The following RGS3 variants were observed in gnomAD, a reference collection of about 807,000 sequenced individuals.
The protein encoded by RGS3 is regulator of G-protein signalling 3.
A neutral mutation model predicts 132.6 loss-of-function variants in RGS3; 80 were observed. That is an observed-to-expected ratio of 0.60 (90% confidence interval 0.50 to 0.73). The LOEUF (loss-of-function observed/expected upper bound fraction) is 0.73, where lower values mean the gene tolerates loss of function less well. RGS3 is among the 30% of genes least tolerant of loss of function. The pLI is 0.00. For missense variants in RGS3, 1,382 were observed against 1,530.8 expected (o/e 0.90, Z 1.62); for synonymous variants, 598 against 620.6 (o/e 0.96, Z 0.54).
chr9:113,536,962 C>T (rs1832707159), intron 19 of RGS3, 44 bp downstream of exon 17: 1 of 1,582,906 alleles, frequency 6.3e-7, no homozygotes, highest in Non-Finnish European at 8.7e-7. Context: ...CCTCGTTTCC[C>T]CTCAGCCAGC....
intron 19 of RGS3, among the ~76,000 whole-genome samples, chr9:113,551,244 G>C (rs1474655986): frequency 6.6e-6 from 1 of 152,156 alleles, no homozygotes; most frequent in African/African-American, 2.4e-5. Context: ...TTTGTGACTG[G>C]CTTCTTTCAT....
intron 23 of RGS3, 28 bp from the exon 22 acceptor site, chr9:113,595,571 C>G (rs114068085): frequency 6.2e-7 from 1 of 1,608,914 alleles, no homozygotes; most frequent in East Asian, 2.2e-5. Context: ...GAGTTTGCCT[C>G]TTACCCCAGG....
At chr9:113,571,038 C>G (rs1834267544) in intron 19 of RGS3, among the ~76,000 whole-genome samples, 1 of 152,228 alleles carries the variant, frequency 6.6e-6, no homozygotes, top group African/African-American at 2.4e-5. Context: ...TTTTGATCAG[C>G]ATTTTGATGG....
intron 4 of RGS3, 170 bp from the exon 3 acceptor site, chr9:113,482,889 C>T (rs1247691241): frequency 1.4e-5 from 20 of 1,464,252 alleles, no homozygotes; most frequent in African/African-American, 4.3e-5. Flanking sequence ...GGTGGTTATG[C>T]AGATTAAGGG....
chr9:113,507,662 G>A lies in RGS3; in HGVS notation c.1437+24G>A, dbSNP rs1564503108. On this transcript the variant is annotated intron_variant, in intron 13 of 24. Transcript: ENST00000350696. This position sits in a 1 kb window ranked among gnomAD's most constrained non-coding sequence, Gnocchi z 5.0. ...AGGTACGGACAGCTGGTGTGGGGAA[G>A]GTGAAGGGTACTGGGTCCCTGTGGG... 2.8e-6 allele frequency: 4 copies of A among 1,443,724 alleles called. No homozygotes were observed. The highest frequency in any genetic ancestry group is 3.7e-6 in the Non-Finnish European group (4 of 1,092,650). 89.4% of individuals were successfully genotyped at this position (1,443,724 alleles called of 1,614,324 possible).
intron 19 of RGS3, among the ~76,000 whole-genome samples, chr9:113,577,979 A>G (rs1834610036): frequency 6.6e-6 from 1 of 152,226 alleles, no homozygotes; most frequent in African/African-American, 2.4e-5. Context: ...CAGTGTCTGG[A>G]TGCAGAACTA....
At position 113,552,473 on chromosome 9, in the gene RGS3, C is replaced by T. The variant is rs539472074; in HGVS notation, c.2037+15555C>T. On this transcript the variant is annotated intron_variant, in intron 19 of 24. Transcript: ENST00000350696. The stretch of plus-strand genomic sequence containing the variant: ...CTGGGACTACAGGTGCCCACCACCA[C>T]GCCCGGCTAATTTTTTGTATTTTTT... Among the ~76,000 whole-genome samples, 38 of 152,242 alleles carry T rather than the reference C, an allele frequency of 2.5e-4. 1 individual carries two copies. The highest frequency in any genetic ancestry group is 1.0e-3 in the Admixed American group (16 of 15,296).
Position 113,498,679 on chromosome 9 carries a change from C to T in RGS3, c.897+599C>T, listed in dbSNP as rs145030707. ...CTTGTGATCCCAGCACTTTGGGAGG[C>T]CGAGGTGGGCGGATCACCTGAGGTA... is the stretch of plus-strand genomic sequence containing the variant. On this transcript the variant is annotated intron_variant, in intron 10 of 24. Coordinates refer to ENST00000350696, the Ensembl canonical transcript of RGS3. Among the ~76,000 whole-genome samples the T allele has an allele frequency of 1.0e-3, 159 of 152,216 alleles. 1 individual carries two copies. Among genetic ancestry groups the T allele is most frequent in the South Asian group, 1.7e-3 (8 of 4,822 alleles).
In RGS3 at chr9:113,584,068, G is replaced by A. The variant is rs201852541; in HGVS notation, c.2656G>A (p.Glu886Lys). The A allele has an allele frequency of 1.5e-4, 235 of 1,614,042 alleles. No homozygotes were observed. Among genetic ancestry groups the A allele is most frequent in the Non-Finnish European group, 7.7e-5 (91 of 1,179,998 alleles). Residue 886 changes from glutamate (E) to lysine (K), a missense_variant, in exon 20 of 25, where the codon GAG becomes AAG. Glu to Lys is a moderately conservative substitution (Grantham distance 56). Coordinates refer to ENST00000350696, the Ensembl canonical transcript of RGS3. ...AGATGAGGAGGATGCAGAAGAGGCC[G>A]AGGAGGTGGAGGAGGGGGAGGAAGG...
At chr9:113,457,202 A>G (rs990289230), upstream of RGS3, among the ~76,000 whole-genome samples, 1 of 152,158 alleles carries the variant, frequency 6.6e-6, no homozygotes, top group African/African-American at 2.4e-5. Flanking sequence ...TCAAACGTAC[A>G]ACGCCCCCTC....
intron 19 of RGS3, among the ~76,000 whole-genome samples, chr9:113,555,195 A>T (rs1833519903): frequency 6.6e-6 from 1 of 152,224 alleles, no homozygotes; most frequent in African/African-American, 2.4e-5. Context: ...TTAGCTTCAG[A>T]ATATGGTTTA....
intron 19 of RGS3, among the ~76,000 whole-genome samples, chr9:113,555,866 G>T (rs574020642): frequency 2.6e-5 from 4 of 152,184 alleles, no homozygotes; most frequent in Non-Finnish European, 4.4e-5. Context: ...AAATGTTTCC[G>T]TTTTCATGGC....
chr9:113,583,205 C>A, intron 19 of RGS3: 3 of 645,578 alleles, frequency 4.6e-6, no homozygotes, highest in Non-Finnish European at 5.1e-6. Context: ...GGTTATCTCT[C>A]CCTCTTCTCC....
chr9:113,511,850 A>G (rs1486977648), intron 14 of RGS3, among the ~76,000 whole-genome samples: 1 of 151,964 alleles, frequency 6.6e-6, no homozygotes, highest in Non-Finnish European at 1.5e-5. Flanking sequence ...CTGTAGGCTT[A>G]ACCATGTTAA....
intron 19 of RGS3, among the ~76,000 whole-genome samples, chr9:113,558,046 G>C (rs1168396611): frequency 6.6e-6 from 1 of 152,210 alleles, no homozygotes; most frequent in Non-Finnish European, 1.5e-5. Context: ...GAGCAGTGTG[G>C]AGCTATTGGC....
At chr9:113,492,945 G>A (rs12339851) in intron 7 of RGS3, among the ~76,000 whole-genome samples, 21,791 of 152,196 alleles carry the variant, frequency 0.14, 1,710 homozygotes, top group African/African-American at 0.2. Context: ...AGGGAATGAA[G>A]ATTTCGCTTA....
exon 3 of RGS3, chr9:113,462,077 C>T: frequency 6.2e-7 from 1 of 1,614,130 alleles, no homozygotes; most frequent in Non-Finnish European, 8.5e-7. Context: ...TGAGCCTGAG[C>T]TTGCCCATAT....
At chr9:113,494,164 G>C (rs1288657834) in intron 7 of RGS3, among the ~76,000 whole-genome samples, 1 of 152,050 alleles carries the variant, frequency 6.6e-6, no homozygotes, top group Non-Finnish European at 1.5e-5. Context: ...TGTCAGGATA[G>C]AACAGGATGT....
In RGS3 at chr9:113,569,977, T is replaced by C. The variant is rs144340991; in HGVS notation, c.2038-13473T>C. Among the ~76,000 whole-genome samples, 437 of 152,230 alleles carry C rather than the reference T, an allele frequency of 2.9e-3. 1 individual carries two copies. Among genetic ancestry groups the C allele is most frequent in the African/African-American group, 0.01 (420 of 41,556 alleles). On this transcript the variant is annotated intron_variant, in intron 19 of 24. Coordinates refer to ENST00000350696, the Ensembl canonical transcript of RGS3. Reference sequence around the variant, plus strand: ...TGTAGACATGTTTCCCGCCTATCCATGGAAATTGCTTTTGTGTGTCCAGCC... The same window carrying C: ...TGTAGACATGTTTCCCGCCTATCCACGGAAATTGCTTTTGTGTGTCCAGCC...
Sources: allele counts gnomAD v4.1 joint callset (sites outside exome capture counted in the v4.1 genomes callset), GRCh38; gene constraint gnomAD v4.1.1; non-coding constraint Gnocchi (gnomAD v3.1); transcripts MANE v1.5; gene names NCBI Gene and HGNC (gene_info 2026-07-23, HGNC 2026-07-21).